Variants in SNTG2 observed in about 807,000 individuals in gnomAD.
The protein encoded by SNTG2 is syntrophin gamma 2, also known as gamma-2-syntrophin.
A neutral mutation model predicts 70.9 loss-of-function variants in SNTG2; 74 were observed. That is an observed-to-expected ratio of 1.04 (90% CI 0.86 to 1.27). The LOEUF (loss-of-function observed/expected upper bound fraction) is 1.27. Among genes scored for constraint, SNTG2 ranks in the 50% most tolerant of loss-of-function variants. The pLI is 0.00. For synonymous variants in SNTG2, 278 were observed against 273.8 expected (o/e 1.02, Z -0.15); for missense variants, 717 against 690.7 (o/e 1.04, Z -0.43).
At chr2:972,782 T>G (rs1660785342) in intron 1 of SNTG2, among the ~76,000 whole-genome samples, 1 of 152,148 alleles carries the variant, frequency 6.6e-6, no homozygotes, top group Non-Finnish European at 1.5e-5. Flanking sequence ...TATGACCTCT[T>G]GCTCCCACTT....
intron 9 of SNTG2, among the ~76,000 whole-genome samples, chr2:1,216,051 G>A (rs1437224981): frequency 2.0e-5 from 3 of 152,100 alleles, no homozygotes; most frequent in African/African-American, 4.8e-5. Context: ...ATGATTTATA[G>A]TCCTTTGGGT....
chr2:1,360,513 A>T (rs2148318182), intron 16 of SNTG2, among the ~76,000 whole-genome samples: 1 of 152,270 alleles, frequency 6.6e-6, no homozygotes, highest in East Asian at 1.9e-4. Context: ...CCAGAAGGTT[A>T]TTGGACTCTT....
intron 6 of SNTG2, among the ~76,000 whole-genome samples, chr2:1,144,951 A>G (rs7598242): frequency 0.37 from 55,683 of 152,106 alleles, 11,020 homozygotes; most frequent in East Asian, 0.83. Context: ...TGCTTGGAGA[A>G]TAAACAGTAC....
intron 1 of SNTG2, among the ~76,000 whole-genome samples, chr2:974,733 G>T (rs1660854785): frequency 6.6e-6 from 1 of 152,050 alleles, no homozygotes; most frequent in African/African-American, 2.4e-5. Context: ...TTTCAATCCT[G>T]TCTCCATTCA....
rs549642317 is a variant in SNTG2, at chr2:1,079,718, C to T, written c.73-3800C>T. On this transcript the variant is annotated intron_variant, in intron 1 of 16. Coordinates refer to ENST00000308624, the MANE Select transcript of SNTG2 (RefSeq NM_018968.4). ...GTTCAGTGTTTTCCATTCCTAGATCCCTGGGTTGCAGGCAATGTCCTCACC... is the reference window on the plus strand; with the variant it reads ...GTTCAGTGTTTTCCATTCCTAGATCTCTGGGTTGCAGGCAATGTCCTCACC... Among the ~76,000 whole-genome samples the T allele has an allele frequency of 1.8e-4, 27 of 152,228 alleles. No homozygotes were observed. The South Asian group carries it at 5.2e-3, about 29-fold the overall frequency.
At chr2:1,003,358 G>A (rs1365443873) in intron 1 of SNTG2, among the ~76,000 whole-genome samples, 1 of 152,144 alleles carries the variant, frequency 6.6e-6, no homozygotes, top group Non-Finnish European at 1.5e-5. Context: ...AGGGACGGAG[G>A]TTTGCAAAGT....
In SNTG2 at chr2:1,201,981, T is replaced by C. The variant is rs149399816; in HGVS notation, c.592-7122T>C. Among the ~76,000 whole-genome samples the C allele has an allele frequency of 9.0e-3, 1,362 of 152,060 alleles. 21 individuals carry two copies. The highest frequency in any genetic ancestry group is 0.031 in the African/African-American group (1,296 of 41,516). The stretch of plus-strand genomic sequence containing the variant: ...AGAGAAGGTTTAGGAAGCAGCCAGA[T>C]GATAAAAAAGCTTATTTTTAAAAAT... On this transcript the variant is annotated intron_variant, in intron 8 of 16. Coordinates refer to ENST00000308624, the MANE Select transcript of SNTG2 (RefSeq NM_018968.4).
chr2:1,051,682 G>A (rs1455658324), intron 1 of SNTG2, among the ~76,000 whole-genome samples: 1 of 152,164 alleles, frequency 6.6e-6, no homozygotes, highest in Non-Finnish European at 1.5e-5. Context: ...GCCATGTTGT[G>A]AACTATCATT....
chr2:964,892 C>T (rs1226531860), intron 1 of SNTG2, among the ~76,000 whole-genome samples: 7 of 152,124 alleles, frequency 4.6e-5, no homozygotes, highest in Non-Finnish European at 7.4e-5. Flanking sequence ...ACTTGGAAGA[C>T]GGGGAGAATG....
intron 1 of SNTG2, among the ~76,000 whole-genome samples, chr2:1,080,787 G>A (rs1664238225): frequency 1.3e-5 from 2 of 152,118 alleles, no homozygotes; most frequent in South Asian, 4.1e-4. Flanking sequence ...GAGGTTGGAA[G>A]TTGGAAGAGG....
intron 11 of SNTG2, chr2:1,242,827 A>G (rs1013354667): frequency 1.3e-5 from 2 of 152,238 alleles, no homozygotes; most frequent in African/African-American, 4.8e-5. Flanking sequence ...GGACTCTCTT[A>G]TAGAAATGGT....
intron 1 of SNTG2, among the ~76,000 whole-genome samples, chr2:1,073,820 C>A (rs74667051): frequency 2.0e-5 from 3 of 152,132 alleles, no homozygotes; most frequent in African/African-American, 7.2e-5. Flanking sequence ...GAAAACTTTG[C>A]ATTCTTTTCA....
intron 1 of SNTG2, among the ~76,000 whole-genome samples, chr2:997,711 C>T (rs942745737): frequency 1.8e-4 from 27 of 152,208 alleles, no homozygotes; most frequent in Admixed American, 1.8e-3. Context: ...ATAGACCCCC[C>T]TCTGGGGCTG....
In SNTG2 at chr2:987,639, C is replaced by G. The variant is rs144989374; in HGVS notation, c.72+36571C>G. ...TTCTGACGCCTCGATTTCAGGACTT[C>G]CGAGTTCCAGAGCCGTGAGCGAATA... On this transcript the variant is annotated intron_variant, in intron 1 of 16. Coordinates refer to ENST00000308624, the MANE Select transcript of SNTG2 (RefSeq NM_018968.4). 5.9e-5 allele frequency among the ~76,000 whole-genome samples: 9 copies of G among 151,966 alleles called. No individual in the cohort carries two copies. In the East Asian group the frequency reaches 1.4e-3, roughly 23 times the overall value.
At chr2:1,116,930 G>A (rs1177988771) in intron 4 of SNTG2, among the ~76,000 whole-genome samples, 5 of 132,524 alleles carry the variant, frequency 3.8e-5, no homozygotes, top group South Asian at 2.6e-4. Context: ...GGGTGCCCTG[G>A]CGTGTGGGTG....
At chr2:1,306,477 G>A (rs1400389037) in intron 14 of SNTG2, among the ~76,000 whole-genome samples, 1 of 152,202 alleles carries the variant, frequency 6.6e-6, no homozygotes, top group Non-Finnish European at 1.5e-5. Flanking sequence ...AAGGACAATA[G>A]CAGAATGAGA....
chr2:1,091,594 C>T (rs953645102), intron 2 of SNTG2, among the ~76,000 whole-genome samples: 2 of 152,168 alleles, frequency 1.3e-5, no homozygotes, highest in African/African-American at 4.8e-5. Context: ...GGCCGCTCCC[C>T]CATGAAGCCC....
chr2:1,312,760 G>C (rs529742587), intron 15 of SNTG2, among the ~76,000 whole-genome samples: 3 of 152,318 alleles, frequency 2.0e-5, no homozygotes, highest in Admixed American at 2.0e-4. Flanking sequence ...GAGTGTCCTG[G>C]TGCTGTCCTG....
intron 4 of SNTG2, among the ~76,000 whole-genome samples, chr2:1,136,424 C>T (rs934495734): frequency 5.9e-5 from 9 of 151,770 alleles, no homozygotes; most frequent in African/African-American, 1.9e-4. Flanking sequence ...TGGGCCACAG[C>T]AGCTTTGCCA....
Sources: allele counts gnomAD v4.1 joint callset (sites outside exome capture counted in the v4.1 genomes callset), GRCh38; gene constraint gnomAD v4.1.1; transcripts MANE v1.5; gene names NCBI Gene and HGNC (gene_info 2026-07-23, HGNC 2026-07-21).